The following CNTN5 variants were observed in gnomAD, a reference collection of about 807,000 sequenced individuals.
The protein encoded by CNTN5 is contactin-5.
A neutral mutation model predicts 129.1 loss-of-function variants in CNTN5; 77 were observed. That is an observed-to-expected ratio of 0.60 (90% confidence interval 0.50 to 0.72). CNTN5 has a LOEUF of 0.72. Among genes scored for constraint, CNTN5 ranks in the 30% least tolerant of loss-of-function variants. The pLI, the probability that CNTN5 is intolerant of heterozygous loss-of-function variation, is 0.00. For missense variants in CNTN5, 1,478 were observed against 1,328.8 expected (o/e 1.11, Z -1.75); for synonymous variants, 509 against 465.6 (o/e 1.09, Z -1.20).
At chr11:99,800,040 C>A (rs1245149860) in intron 3 of CNTN5, among the ~76,000 whole-genome samples, 1 of 151,698 alleles carries the variant, frequency 6.6e-6, no homozygotes, top group Non-Finnish European at 1.5e-5. Context: ...TATTCTAGTT[C>A]CTCTATCTGG....
At chr11:99,061,740 C>T (rs542438555) in intron 1 of CNTN5, among the ~76,000 whole-genome samples, 2 of 152,144 alleles carry the variant, frequency 1.3e-5, no homozygotes, top group Admixed American at 1.3e-4. Context: ...GGCTGTTATC[C>T]CAGCACTTTG....
intron 3 of CNTN5, among the ~76,000 whole-genome samples, chr11:99,647,398 T>G (rs963680265): frequency 1.3e-5 from 2 of 152,102 alleles, no homozygotes; most frequent in African/African-American, 4.8e-5. Context: ...TTGGTCTATG[T>G]GTTTGTTTTT....
chr11:100,225,257 T>C (rs1390858565), intron 16 of CNTN5: 1 of 152,448 alleles, frequency 6.6e-6, no homozygotes, highest in Non-Finnish European at 1.5e-5. Flanking sequence ...TGGTGGCATT[T>C]GCAATTGTTA....
chr11:99,041,446 A>G (rs1210254961), intron 1 of CNTN5, among the ~76,000 whole-genome samples: 1 of 152,172 alleles, frequency 6.6e-6, no homozygotes, highest in Non-Finnish European at 1.5e-5. Context: ...ACTCATTTGT[A>G]TGCATGCCTT....
chr11:100,083,019 CA>C (rs1944418774), intron 13 of CNTN5, among the ~76,000 whole-genome samples: 1 of 151,764 alleles, frequency 6.6e-6, no homozygotes. Context: ...AGAGTGGGAG[CA>C]AAAGAGATAA....
intron 7 of CNTN5, among the ~76,000 whole-genome samples, chr11:99,927,923 C>G (rs1950100425): frequency 6.6e-6 from 1 of 152,170 alleles, no homozygotes; most frequent in African/African-American, 2.4e-5. Flanking sequence ...CAAGTTCCAT[C>G]CTGGTATGAG....
chr11:99,788,110 C>T (rs1184602475), intron 3 of CNTN5, among the ~76,000 whole-genome samples: 1 of 151,956 alleles, frequency 6.6e-6, no homozygotes, highest in African/African-American at 2.4e-5. Context: ...GTTCTATTTT[C>T]AGGTGATCTC....
chr11:100,044,212 T>C (rs964714520), intron 9 of CNTN5, among the ~76,000 whole-genome samples: 2 of 152,028 alleles, frequency 1.3e-5, no homozygotes, highest in Non-Finnish European at 1.5e-5. Context: ...ACATTTTCTT[T>C]AATTTCCAGT....
At chr11:100,071,329 A>T (rs1943913792) in intron 11 of CNTN5, among the ~76,000 whole-genome samples, 1 of 152,094 alleles carries the variant, frequency 6.6e-6, no homozygotes, top group Admixed American at 6.6e-5. Flanking sequence ...CTACAACCTC[A>T]GTCTTTTCTA....
At chr11:99,668,438 C>G (rs145001653) in intron 3 of CNTN5, among the ~76,000 whole-genome samples, 1 of 152,004 alleles carries the variant, frequency 6.6e-6, no homozygotes. Flanking sequence ...TGCTGACCAG[C>G]GCCCATGGGA....
rs778356791 is a variant in CNTN5 at position 100,074,197 on chromosome 11, A to G, written c.1483A>G (p.Lys495Glu). 2 of 1,612,524 alleles carry G rather than the reference A, an allele frequency of 1.2e-6. No individual in the cohort carries two copies. The highest frequency in any genetic ancestry group is 1.3e-5 in the African/African-American group (1 of 74,918). ...NQLKKTIIVT[K>E]DQEVVIECKP... ...ACTGAAGAAAACAATAATTGTTACC[A>G]AAGACCAAGAAGTTGTCATAGAGTG... Residue 495 changes from lysine (K) to glutamate (E), a missense_variant, in exon 13 of 25, where the codon AAA (lysine) becomes GAA (glutamate). Physicochemically the swap from Lys to Glu is moderately conservative, Grantham distance 56. Transcript: ENST00000524871.
chr11:99,367,212 AC>A (rs762936123), intron 2 of CNTN5, among the ~76,000 whole-genome samples: 1 of 152,300 alleles, frequency 6.6e-6, no homozygotes, highest in Non-Finnish European at 1.5e-5. Context: ...TTGTCACTCA[AC>A]ATAGGGGCTG....
chr11:99,809,975 G>C (rs1472823335), intron 3 of CNTN5, among the ~76,000 whole-genome samples: 1 of 151,996 alleles, frequency 6.6e-6, no homozygotes, highest in African/African-American at 2.4e-5. Context: ...TCCTGCCTTT[G>C]CTAATTTCCT....
Position 99,268,659 on chromosome 11 carries a change from G to T in CNTN5, c.-209-56687G>T, listed in dbSNP as rs1001527095. 2.6e-5 allele frequency among the ~76,000 whole-genome samples: 4 copies of T among 151,810 alleles called. No homozygotes were observed. The Admixed American group carries it at 2.6e-4, about 10-fold the overall frequency. On this transcript the variant is annotated intron_variant, in intron 1 of 24. Transcript: ENST00000524871. The stretch of plus-strand genomic sequence containing the variant: ...ATACATAATCAGTGAGGAATAATTG[G>T]ATCAACACACATCACATCAAATATA...
At chr11:100,260,637 C>G (rs1950175481) in intron 17 of CNTN5, among the ~76,000 whole-genome samples, 1 of 152,122 alleles carries the variant, frequency 6.6e-6, no homozygotes. Context: ...AAGGCTGGTT[C>G]AACATATGCA....
At chr11:99,135,102 A>G (rs1006873197) in intron 1 of CNTN5, among the ~76,000 whole-genome samples, 17 of 152,198 alleles carry the variant, frequency 1.1e-4, no homozygotes, top group African/African-American at 3.9e-4. Context: ...CTTGTATGTC[A>G]GTTCATTTAT....
At position 99,506,373 on chromosome 11, in the gene CNTN5, A is replaced by G. The variant is rs775146365; in HGVS notation, c.-70-49772A>G. Among the ~76,000 whole-genome samples, 55 of 152,310 alleles carry G rather than the reference A, an allele frequency of 3.6e-4. No individual in the cohort carries two copies. The Middle Eastern group carries it at 0.01, about 28-fold the overall frequency. ...TGTGAGCATCTTGCTCTCTGTTTAC[A>G]ATGTGTATGTTATGCAGATTCTTAT... On this transcript the variant is annotated intron_variant, in intron 2 of 24. Transcript: ENST00000524871.
At chr11:99,718,761 G>A (rs1396784962) in intron 3 of CNTN5, among the ~76,000 whole-genome samples, 2 of 151,994 alleles carry the variant, frequency 1.3e-5, no homozygotes, top group African/African-American at 4.8e-5. Flanking sequence ...ACTTTGCTAA[G>A]TGTCACAAAC....
At chr11:99,499,476 C>A (rs575666597) in intron 2 of CNTN5, among the ~76,000 whole-genome samples, 1 of 152,100 alleles carries the variant, frequency 6.6e-6, no homozygotes, top group Admixed American at 6.6e-5. Flanking sequence ...CAGCCCTCAC[C>A]GGACAACTGA....
Sources: allele counts gnomAD v4.1 joint callset (sites outside exome capture counted in the v4.1 genomes callset), GRCh38; gene constraint gnomAD v4.1.1; transcripts MANE v1.5; gene names NCBI Gene and HGNC (gene_info 2026-07-23, HGNC 2026-07-21).